The following GREB1L variants were observed in gnomAD, a reference collection of about 807,000 sequenced individuals.
GREB1L encodes the protein GREB1 like retinoic acid receptor coactivator.
GREB1L carries 17 observed loss-of-function variants against 200.8 expected under a neutral mutation model. That is an observed-to-expected ratio of 0.08 (90% CI 0.06 to 0.13). GREB1L has a LOEUF of 0.13. Among genes scored for constraint, GREB1L ranks in the 10% least tolerant of loss-of-function variants. The probability of loss-of-function intolerance (pLI) is 1.00; values close to 1 mark genes in which losing one functional copy is unlikely to be tolerated. For synonymous variants in GREB1L, 789 were observed against 893.0 expected (o/e 0.88, Z 2.08); for missense variants, 1,657 against 2,367.7 (o/e 0.70, Z 6.23).
At chr18:21,475,916 C>T (rs1164924453) in intron 16 of GREB1L, among the ~76,000 whole-genome samples, 12 of 121,980 alleles carry the variant, frequency 9.8e-5, no homozygotes, top group Non-Finnish European at 1.6e-5. Context: ...TTGCAGTGAG[C>T]GGAGATTATG....
chr18:21,519,257 TTC>T (rs1229124343), intron 31 of GREB1L, among the ~76,000 whole-genome samples: 4 of 151,890 alleles, frequency 2.6e-5, no homozygotes, highest in African/African-American at 9.7e-5. Context: ...AGGCCAGGAG[TTC>T]GAGACCAGCC....
chr18:21,315,863 C>A (rs1406069226), intron 1 of GREB1L, among the ~76,000 whole-genome samples: 1 of 152,098 alleles, frequency 6.6e-6, no homozygotes, highest in Admixed American at 6.6e-5. Flanking sequence ...TGCTCCGCCT[C>A]CCAGCTCTGT....
intron 7 of GREB1L, 131 bp downstream of exon 7, chr18:21,404,125 T>C: frequency 1.2e-6 from 1 of 822,184 alleles, no homozygotes; most frequent in South Asian, 1.8e-5. Flanking sequence ...GAGTTACTAT[T>C]AGAGTTAGAA....
intron 1 of GREB1L, among the ~76,000 whole-genome samples, chr18:21,294,674 G>A (rs1379108490): frequency 1.3e-5 from 2 of 151,494 alleles, no homozygotes; most frequent in African/African-American, 4.8e-5. Context: ...TTATGGTAAA[G>A]GGTAAAGATT....
In GREB1L at chr18:21,379,376, T is replaced by C. The variant is rs1350481922; in HGVS notation, c.-9-4134T>C. 2.6e-5 allele frequency among the ~76,000 whole-genome samples: 4 copies of C among 152,132 alleles called. No homozygotes were observed. The East Asian group carries it at 7.7e-4, about 29-fold the overall frequency. The stretch of plus-strand genomic sequence containing the variant: ...CAGGTGCCACCATGCCCAGCTAAGT[T>C]TGTATTTTTAGTAGAAAGCGGGTTT... On this transcript the variant is annotated intron_variant, in intron 2 of 32. Coordinates refer to ENST00000424526, the MANE Select transcript of GREB1L (RefSeq NM_001142966.3).
At chr18:21,242,611 T>G (rs2143768164) in intron 1 of GREB1L, among the ~76,000 whole-genome samples, 1 of 152,142 alleles carries the variant, frequency 6.6e-6, no homozygotes, top group East Asian at 2.0e-4. Flanking sequence ...AGTGCCAACC[T>G]GGGAGCCGTG....
intron 1 of GREB1L, among the ~76,000 whole-genome samples, chr18:21,302,004 C>A (rs998557244): frequency 6.6e-6 from 1 of 152,176 alleles, no homozygotes; most frequent in African/African-American, 2.4e-5. Flanking sequence ...AACATAGATA[C>A]CCTGGTAGAC....
At chr18:21,303,047 GGGTTTCACCATGT>G (rs1466135829) in intron 1 of GREB1L, among the ~76,000 whole-genome samples, 1 of 152,070 alleles carries the variant, frequency 6.6e-6, no homozygotes, top group Non-Finnish European at 1.5e-5. Context: ...AGCAGAGACA[GGGTTTCACCATGT>G]TGGCCAGGCT....
chr18:21,331,984 A>G (rs1047889316), intron 1 of GREB1L, among the ~76,000 whole-genome samples: 5 of 152,230 alleles, frequency 3.3e-5, no homozygotes, highest in African/African-American at 1.2e-4. Flanking sequence ...TTTGAAAGTT[A>G]GAGACTCAAT....
chr18:21,485,387 T>G, intron 17 of GREB1L: 1 of 398,496 alleles, frequency 2.5e-6, no homozygotes, highest in East Asian at 4.1e-5. Context: ...GAAGGAAGTG[T>G]GTCAACTTTC....
At chr18:21,456,227 G>A (rs1045443089) in intron 15 of GREB1L, among the ~76,000 whole-genome samples, 4 of 152,116 alleles carry the variant, frequency 2.6e-5, no homozygotes, top group African/African-American at 9.7e-5. Flanking sequence ...TTTCTAACAA[G>A]CTTATAGTGA....
intron 1 of GREB1L, among the ~76,000 whole-genome samples, chr18:21,303,385 G>C (rs901971618): frequency 6.6e-6 from 1 of 152,112 alleles, no homozygotes; most frequent in African/African-American, 2.4e-5. Flanking sequence ...AAAAATTCTT[G>C]TTCTTTTGTT....
At chr18:21,458,061 C>T (rs1267400772) in intron 15 of GREB1L, among the ~76,000 whole-genome samples, 4 of 151,522 alleles carry the variant, frequency 2.6e-5, no homozygotes, top group Non-Finnish European at 5.9e-5. Context: ...CTCCACCTCC[C>T]GGGTTCAAGC....
intron 32 of GREB1L, among the ~76,000 whole-genome samples, chr18:21,521,815 G>A (rs1167767136): frequency 6.6e-6 from 1 of 151,682 alleles, no homozygotes; most frequent in Non-Finnish European, 1.5e-5. Context: ...ACCAGCCTGG[G>A]CAACACTGTG....
intron 1 of GREB1L, among the ~76,000 whole-genome samples, chr18:21,342,786 TG>T (rs1036572565): frequency 2.0e-5 from 3 of 152,202 alleles, no homozygotes; most frequent in Non-Finnish European, 4.4e-5. Context: ...AATTGTGCTG[TG>T]GGTTTTCTAA....
chr18:21,260,297 A>G (rs1032227412), intron 1 of GREB1L, among the ~76,000 whole-genome samples: 1 of 151,970 alleles, frequency 6.6e-6, no homozygotes, highest in Non-Finnish European at 1.5e-5. Flanking sequence ...TACCATAAGT[A>G]TGTTATTTTT....
intron 32 of GREB1L, 80 bp from the exon 33 acceptor site, chr18:21,522,578 T>C: frequency 8.8e-7 from 1 of 1,130,622 alleles, no homozygotes; most frequent in Non-Finnish European, 1.2e-6. Context: ...TGTGTTAGCT[T>C]AGGAAATATA....
chr18:21,281,505 G>A (rs972688921), intron 1 of GREB1L, among the ~76,000 whole-genome samples: 20 of 152,132 alleles, frequency 1.3e-4, no homozygotes, highest in African/African-American at 3.9e-4. Context: ...GAATACTCAT[G>A]TATCTTTTTG....
chr18:21,274,311 G>C (rs775581433), intron 1 of GREB1L, among the ~76,000 whole-genome samples: 3 of 152,032 alleles, frequency 2.0e-5, no homozygotes, highest in Non-Finnish European at 4.4e-5. Flanking sequence ...CATCACCTTG[G>C]GGGTTAGGAT....
Sources: gnomAD v4.1 joint callset for allele counts (sites outside exome capture counted in the v4.1 genomes callset) on GRCh38, gnomAD v4.1.1 for gene constraint, MANE v1.5 for transcripts, NCBI Gene and HGNC (gene_info 2026-07-23, HGNC 2026-07-21) for gene names.